The following DPP10 variants were observed in gnomAD, a reference collection of about 807,000 sequenced individuals.
The protein encoded by DPP10 is inactive dipeptidyl peptidase 10.
DPP10 carries 33 observed loss-of-function variants against 120.9 expected under a neutral mutation model. The ratio of observed to expected loss-of-function variants is 0.27; its 90% CI spans 0.21 to 0.37. DPP10 has a LOEUF of 0.37. Among genes scored for constraint, DPP10 ranks in the 10% least tolerant of loss-of-function variants. The pLI, the probability that DPP10 is intolerant of heterozygous loss-of-function variation, is 1.00. For synonymous variants in DPP10, 337 were observed against 326.1 expected (o/e 1.03, Z -0.36); for missense variants, 816 against 942.8 (o/e 0.87, Z 1.76).
intron 1 of DPP10, among the ~76,000 whole-genome samples, chr2:115,166,170 T>G (rs1220681371): frequency 1.3e-5 from 2 of 152,152 alleles, no homozygotes; most frequent in African/African-American, 4.8e-5. Context: ...AACATATGCT[T>G]AATGAAAAAT....
intron 1 of DPP10, among the ~76,000 whole-genome samples, chr2:114,544,080 A>T (rs1441424211): frequency 1.3e-5 from 2 of 152,130 alleles, no homozygotes; most frequent in Admixed American, 6.5e-5. Flanking sequence ...CTCACTGTCC[A>T]GTAGGGGAAG....
intron 1 of DPP10, among the ~76,000 whole-genome samples, chr2:115,175,057 C>T (rs190171555): frequency 2.6e-5 from 4 of 152,272 alleles, no homozygotes; most frequent in African/African-American, 9.6e-5. Flanking sequence ...GATCAAGCTG[C>T]GTGGTGGTAG....
chr2:114,939,523 A>G (rs778641416), intron 1 of DPP10, among the ~76,000 whole-genome samples: 4 of 152,242 alleles, frequency 2.6e-5, no homozygotes, highest in Non-Finnish European at 5.9e-5. Context: ...CACAAAACCT[A>G]CCTACTTTTG....
chr2:115,258,971 A>C (rs2059129769), intron 1 of DPP10, among the ~76,000 whole-genome samples: 1 of 152,258 alleles, frequency 6.6e-6, no homozygotes, highest in Non-Finnish European at 1.5e-5. Context: ...GTAACAGAAC[A>C]CCAAAAATTG....
intron 1 of DPP10, among the ~76,000 whole-genome samples, chr2:115,300,106 A>T (rs1241607560): frequency 6.6e-6 from 1 of 152,050 alleles, no homozygotes; most frequent in South Asian, 2.1e-4. Context: ...TTATTATAGT[A>T]CTGTTCATTG....
chr2:114,718,188 C>T (rs1013400207), intron 1 of DPP10, among the ~76,000 whole-genome samples: 6 of 151,624 alleles, frequency 4.0e-5, no homozygotes, highest in Admixed American at 2.0e-4. Context: ...TTTGATTTCC[C>T]TTTGTCATTT....
chr2:115,160,964 G>C (rs1282258478), intron 1 of DPP10: 1 of 152,166 alleles, frequency 6.6e-6, no homozygotes, highest in Non-Finnish European at 1.5e-5. Context: ...AATGGGAGAG[G>C]GTTGTGTTGA....
chr2:115,582,209 G>A lies in DPP10; in HGVS notation c.441+56237G>A, dbSNP rs908642263. On this transcript the variant is annotated intron_variant, in intron 5 of 25. Transcript: ENST00000410059. Reference sequence around the variant, plus strand: ...TTTCCTTGTGGCAGGCTGTCCGCACGCACAGTGGCCTGCCAGCGTGTCGGA... The same window carrying A: ...TTTCCTTGTGGCAGGCTGTCCGCACACACAGTGGCCTGCCAGCGTGTCGGA... 7.2e-5 allele frequency among the ~76,000 whole-genome samples: 11 copies of A among 152,226 alleles called. No homozygotes were observed. The East Asian group carries it at 1.7e-3, about 24-fold the overall frequency.
At chr2:115,236,774 G>A (rs2058027733) in intron 1 of DPP10, among the ~76,000 whole-genome samples, 1 of 149,032 alleles carries the variant, frequency 6.7e-6, no homozygotes, top group African/African-American at 2.4e-5. Context: ...AGGTATTTAT[G>A]AGGTGTTATG....
intron 1 of DPP10, among the ~76,000 whole-genome samples, chr2:115,210,316 C>A (rs1401372345): frequency 2.0e-5 from 3 of 152,076 alleles, no homozygotes; most frequent in African/African-American, 7.2e-5. Flanking sequence ...TGATGGTTTC[C>A]AGCTTCATCC....
chr2:114,716,327 C>T (rs72955686), intron 1 of DPP10, among the ~76,000 whole-genome samples: 3,599 of 152,212 alleles, frequency 0.024, 150 homozygotes, highest in African/African-American at 0.082. Flanking sequence ...TTAATATAAA[C>T]AGCAAACACT....
chr2:114,717,249 A>G (rs1183545783), intron 1 of DPP10, among the ~76,000 whole-genome samples: 2 of 152,216 alleles, frequency 1.3e-5, no homozygotes, highest in Non-Finnish European at 2.9e-5. Context: ...AAGGCCATAG[A>G]AAGTGTCAGA....
chr2:115,258,923 A>G (rs924585322), intron 1 of DPP10, among the ~76,000 whole-genome samples: 12 of 152,208 alleles, frequency 7.9e-5, no homozygotes, highest in African/African-American at 2.2e-4. Context: ...TTGTGCTTAC[A>G]TATTTATCTT....
chr2:115,836,530 C>T lies in DPP10; in HGVS notation c.2074C>T (p.Leu692Phe), dbSNP rs1344443415. The change falls in exon 23 of 26, where the codon CTT (leucine) becomes TTT (phenylalanine). Residue 692 changes from leucine to phenylalanine, a missense_variant. Transcript: ENST00000410059. ...AGCCTCAGCTTTCTCTGAAAGATAC[C>T]TTGGGATGCCATCTAAGGAAGAAAG... ...LYASAFSERY[L>F]GMPSKEESTY... 4 of 1,613,602 alleles carry T rather than the reference C, an allele frequency of 2.5e-6. No individual in the cohort carries two copies. The highest frequency in any genetic ancestry group is 2.5e-6 in the Non-Finnish European group (3 of 1,179,800).
intron 8 of DPP10, among the ~76,000 whole-genome samples, chr2:115,736,919 A>G (rs940031155): frequency 6.6e-6 from 1 of 152,174 alleles, no homozygotes; most frequent in African/African-American, 2.4e-5. Flanking sequence ...CACATCCCTG[A>G]TAGGTGGACC....
At chr2:114,532,469 C>G (rs1686105870) in intron 1 of DPP10, among the ~76,000 whole-genome samples, 1 of 151,558 alleles carries the variant, frequency 6.6e-6, no homozygotes, top group Non-Finnish European at 1.5e-5. Flanking sequence ...AATCACCTAT[C>G]TACCCACTTA....
chr2:114,552,608 C>A (rs1208252455), intron 1 of DPP10, among the ~76,000 whole-genome samples: 2 of 151,924 alleles, frequency 1.3e-5, no homozygotes, highest in Non-Finnish European at 2.9e-5. Flanking sequence ...TGCAGTGGCC[C>A]CAACTTGGAT....
At chr2:114,812,344 G>C (rs1685246126) in intron 1 of DPP10, among the ~76,000 whole-genome samples, 2 of 152,122 alleles carry the variant, frequency 1.3e-5, no homozygotes, top group South Asian at 4.1e-4. Context: ...ACTCATGCCT[G>C]TAAGCCCAGC....
At chr2:114,609,154 C>T (rs760739753) in intron 1 of DPP10, among the ~76,000 whole-genome samples, 17 of 151,990 alleles carry the variant, frequency 1.1e-4, no homozygotes, top group Non-Finnish European at 1.8e-4. Flanking sequence ...GTGAAGTTTC[C>T]AGAAAACAAA....
Sources: allele counts gnomAD v4.1 joint callset (sites outside exome capture counted in the v4.1 genomes callset), GRCh38; gene constraint gnomAD v4.1.1; transcripts MANE v1.5; gene names NCBI Gene and HGNC (gene_info 2026-07-23, HGNC 2026-07-21).